The following PIK3CD variants were observed in gnomAD, a reference collection of about 807,000 sequenced individuals.
PIK3CD encodes phosphatidylinositol 4,5-bisphosphate 3-kinase catalytic subunit delta isoform.
Under a neutral mutation model 122.9 loss-of-function variants are expected in PIK3CD, and 20 were observed. The ratio of observed to expected loss-of-function variants is 0.16; its 90% CI spans 0.11 to 0.24. The LOEUF (loss-of-function observed/expected upper bound fraction) is 0.24. Ranked by LOEUF, PIK3CD falls within the 10% of genes least tolerant of loss-of-function variation. The pLI is 1.00. For missense variants in PIK3CD, 787 were observed against 1,406.3 expected (o/e 0.56, Z 7.04); for synonymous variants, 596 against 593.4 (o/e 1.00, Z -0.06).
At chr1:9,657,713 A>ACTCT (rs368627324) in intron 1 of PIK3CD, among the ~76,000 whole-genome samples, 1 of 150,756 alleles carries the variant, frequency 6.6e-6, no homozygotes, top group Non-Finnish European at 1.5e-5. Flanking sequence ...GCCCAGGGCT[A>ACTCT]CTCTCTCTCT....
In PIK3CD at chr1:9,717,374, T is replaced by C. The variant is rs1647661110; in HGVS notation, c.931-163T>C. On this transcript the variant is annotated intron_variant, in intron 7 of 23. Coordinates refer to ENST00000377346, the MANE Select transcript of PIK3CD (RefSeq NM_005026.5). This position sits in a 1 kb window ranked among gnomAD's most constrained non-coding sequence, Gnocchi z 5.4. ...GTTGGGGCCCCCTGGGGAGCCCGCA[T>C]GGCAGGTTTTCTGGGAAAGGATAGC... 6.8e-6 allele frequency among the ~76,000 whole-genome samples: 1 copy of C among 146,486 alleles called. No individual in the cohort carries two copies. The highest frequency in any genetic ancestry group is 1.6e-5 in the Non-Finnish European group (1 of 64,422).
chr1:9,724,503 G>C lies in PIK3CD; in HGVS notation c.2864+82G>C. ...GCAGAGGTTCCCAGGCAGGGTGCAG[G>C]ATGGGGCTCAGGTCTCAACCCCACA... On this transcript the variant is annotated intron_variant, in intron 22 of 23. Transcript: ENST00000377346. The surrounding 1 kb of genome is among the most constrained non-coding windows in gnomAD (Gnocchi z 7.3). The C allele has an allele frequency of 6.6e-7, 1 of 1,516,716 alleles. No individual in the cohort carries two copies. Among genetic ancestry groups the C allele is most frequent in the Non-Finnish European group, 9.1e-7 (1 of 1,097,324 alleles). The allele number at this position is 1,516,716 out of a possible 1,614,324, so 94.0% of individuals were successfully genotyped here. A position where few individuals can be genotyped will look rare whatever the true frequency, so the allele number is the denominator to read the frequency against.
chr1:9,722,490 G>C lies in PIK3CD; in HGVS notation c.2348-38G>C. On this transcript the variant is annotated intron_variant, in intron 18 of 23. Transcript: ENST00000377346. This position sits in a 1 kb window ranked among gnomAD's most constrained non-coding sequence, Gnocchi z 7.6. ...GTAGCTGGAAGCAGAGAACCTACCA[G>C]AAACTCACGCTTCTCCTCCCACCGG... 6.3e-7 allele frequency: 1 copy of C among 1,587,506 alleles called. No homozygotes were observed. Among genetic ancestry groups the C allele is most frequent in the Non-Finnish European group, 8.6e-7 (1 of 1,156,382 alleles).
At chr1:9,703,465 C>A (rs531146633) in intron 2 of PIK3CD, among the ~76,000 whole-genome samples, 2 of 152,236 alleles carry the variant, frequency 1.3e-5, no homozygotes, top group East Asian at 1.9e-4. Context: ...CCAACAAAAA[C>A]GTAAAGTTAC....
Position 9,723,902 on chromosome 1 carries a change from T to A in PIK3CD, c.2595-67T>A. 1 of 1,463,592 alleles carries A rather than the reference T, an allele frequency of 6.8e-7. No individual in the cohort carries two copies. Among genetic ancestry groups the A allele is most frequent in the Non-Finnish European group, 9.5e-7 (1 of 1,047,310 alleles). The allele number at this position is 1,463,592 out of a possible 1,614,324, so 90.7% of individuals were successfully genotyped here. A position where few individuals can be genotyped will look rare whatever the true frequency, so the allele number is the denominator to read the frequency against. On this transcript the variant is annotated intron_variant, in intron 20 of 23. Transcript: ENST00000377346. This position sits in a 1 kb window ranked among gnomAD's most constrained non-coding sequence, Gnocchi z 4.9. The stretch of plus-strand genomic sequence containing the variant: ...CCAGATTCAAGGGGAGAGGGAGTAA[T>A]AACCCACCTCTTGATAGGCGGAGCT...
intron 2 of PIK3CD, 187 bp downstream of exon 2, chr1:9,691,758 A>G (rs1015216945): frequency 5.0e-5 from 19 of 381,822 alleles, no homozygotes; most frequent in Middle Eastern, 6.6e-4. Flanking sequence ...TGAATGGGGA[A>G]GTGAACTAGA....
In PIK3CD at chr1:9,719,014, C is replaced by G; in HGVS notation, c.1242+99C>G. ...ACTCTCCTCCCGGCAAGCACGCAGC[C>G]TGGGGATGGGGGTCCTGGGATTGCT... On this transcript the variant is annotated intron_variant, in intron 9 of 23. Coordinates refer to ENST00000377346, the MANE Select transcript of PIK3CD (RefSeq NM_005026.5). This position sits in a 1 kb window ranked among gnomAD's most constrained non-coding sequence, Gnocchi z 5.5. The G allele has an allele frequency of 8.7e-7, 1 of 1,151,388 alleles. No individual in the cohort carries two copies. Among genetic ancestry groups the G allele is most frequent in the East Asian group, 2.5e-5 (1 of 39,444 alleles). The allele number at this position is 1,151,388 out of a possible 1,614,324, so 71.3% of individuals were successfully genotyped here.
In PIK3CD at chr1:9,700,670, C is replaced by T. The variant is rs769222172; in HGVS notation, c.-33+9099C>T. ...ATCTGTCTGTAGCCTGCTGACTCCA[C>T]AGATCTGTCCCCCGCCCTCCCACCT... On this transcript the variant is annotated intron_variant, in intron 2 of 23. Coordinates refer to ENST00000377346, the MANE Select transcript of PIK3CD (RefSeq NM_005026.5). This position sits in a 1 kb window ranked among gnomAD's most constrained non-coding sequence, Gnocchi z 5.1. 4.2e-4 allele frequency among the ~76,000 whole-genome samples: 64 copies of T among 152,134 alleles called. 2 individuals are homozygous for T. Among genetic ancestry groups the T allele is most frequent in the Non-Finnish European group, 8.8e-5 (6 of 68,028 alleles).
intron 6 of PIK3CD, 57 bp from the exon 7 acceptor site, chr1:9,716,902 T>A: frequency 6.2e-7 from 1 of 1,610,648 alleles, no homozygotes; most frequent in South Asian, 1.1e-5. Context: ...GGAATCCTGG[T>A]GTCCAGGGAG....
the PIK3CD span, among the ~76,000 whole-genome samples, chr1:9,641,993 C>T: frequency 6.6e-6 from 1 of 152,182 alleles, no homozygotes; most frequent in Non-Finnish European, 1.5e-5. Flanking sequence ...GACATCTTGA[C>T]TTCACACACA....
intron 3 of PIK3CD, among the ~76,000 whole-genome samples, chr1:9,711,998 A>G (rs1223260789): frequency 1.4e-5 from 2 of 147,672 alleles, no homozygotes; most frequent in Non-Finnish European, 3.0e-5. Context: ...CCAGGTTCAC[A>G]CCATTCTCCT....
chr1:9,713,490 A>G (rs1030130883), intron 3 of PIK3CD, among the ~76,000 whole-genome samples: 2 of 152,082 alleles, frequency 1.3e-5, no homozygotes, highest in Admixed American at 1.3e-4. Context: ...CTCTATGTAC[A>G]GTGTTTTTTT....
intron 1 of PIK3CD, chr1:9,654,076 A>AT (rs1557588036): frequency 5.1e-6 from 6 of 1,184,258 alleles, no homozygotes; most frequent in Admixed American, 2.3e-5. Flanking sequence ...ATCTCTGAGA[A>AT]ACATAATACA....
At position 9,720,753 on chromosome 1, in the gene PIK3CD, G is replaced by T; in HGVS notation, c.1533G>T (p.Leu511=). 1 of 1,612,904 alleles carries T rather than the reference G, an allele frequency of 6.2e-7. No homozygotes were observed. The highest frequency in any genetic ancestry group is 8.5e-7 in the Non-Finnish European group (1 of 1,179,712). The change falls in exon 13 of 24, where the codon CTG becomes CTT. Residue 511 remains leucine, a synonymous_variant. Transcript: ENST00000377346. This position sits in a 1 kb window ranked among gnomAD's most constrained non-coding sequence, Gnocchi z 9.0. ...VHVTEEEQLQ[L]REILERRGSG... is the part of the protein sequence containing the mutation. The stretch of plus-strand genomic sequence containing the variant: ...CCCACACCCCTCAGCAGCTGCAGCT[G>T]CGGGAAATCCTGGAGCGGCGGGGGT...
At chr1:9,699,699 G>A (rs1294667051) in intron 2 of PIK3CD, among the ~76,000 whole-genome samples, 1 of 151,972 alleles carries the variant, frequency 6.6e-6, no homozygotes, top group Non-Finnish European at 1.5e-5. Context: ...CAGGCTCAAG[G>A]ATTCTCCTGC....
At chr1:9,629,368 A>G in the PIK3CD span, among the ~76,000 whole-genome samples, 1 of 151,550 alleles carries the variant, frequency 6.6e-6, no homozygotes, top group Non-Finnish European at 1.5e-5. Flanking sequence ...CCAGGGGAGG[A>G]CGGTCCTCAG....
At chr1:9,633,473 AATTT>A in the PIK3CD span, among the ~76,000 whole-genome samples, 1 of 151,990 alleles carries the variant, frequency 6.6e-6, no homozygotes, top group African/African-American at 2.4e-5. Flanking sequence ...ACGCCCAGCT[AATTT>A]TTTGTATTTT....
chr1:9,664,398 G>A (rs1471810216), intron 1 of PIK3CD, among the ~76,000 whole-genome samples: 1 of 152,000 alleles, frequency 6.6e-6, no homozygotes, highest in Non-Finnish European at 1.5e-5. Flanking sequence ...CCGTTTAATA[G>A]GTCAGGTTTG....
rs151045167 is a variant in PIK3CD at position 9,719,962 on chromosome 1, C to T, written c.1284C>T (p.Tyr428=). The part of the protein sequence containing the change: ...IAWANLMLFD[Y]KDQLKTGERC... ...GGGCCAACCTCATGCTGTTTGACTA[C>T]AAGGACCAGCTTAAGACCGGGGAAC... The change falls in exon 10 of 24, where the codon TAC becomes TAT. Residue 428 remains tyrosine, a synonymous_variant. Transcript: ENST00000377346. The surrounding 1 kb of genome is among the most constrained non-coding windows in gnomAD (Gnocchi z 5.5). 1.9e-5 allele frequency: 31 copies of T among 1,613,850 alleles called. No individual in the cohort carries two copies. The highest frequency in any genetic ancestry group is 2.6e-5 in the Non-Finnish European group (31 of 1,180,028).
Sources: allele counts gnomAD v4.1 joint callset (sites outside exome capture counted in the v4.1 genomes callset), GRCh38; gene constraint gnomAD v4.1.1; non-coding constraint Gnocchi (gnomAD v3.1); transcripts MANE v1.5; gene names NCBI Gene and HGNC (gene_info 2026-07-23, HGNC 2026-07-21).